GARIN2: variants seen among roughly 807,000 people sequenced by gnomAD.
GARIN2 encodes golgi associated RAB2 interactor family member 2.
the GARIN2 span, among the ~76,000 whole-genome samples, chr14:67,217,203 T>C: frequency 6.6e-6 from 1 of 152,206 alleles, no homozygotes; most frequent in Non-Finnish European, 1.5e-5. Context: ...AATTCTGTTT[T>C]ATCTGATATA....
At chr14:67,195,796 T>A in the GARIN2 span, among the ~76,000 whole-genome samples, 4 of 149,784 alleles carry the variant, frequency 2.7e-5, no homozygotes, top group Non-Finnish European at 5.9e-5. Context: ...CAGGCTGGAG[T>A]GCAGTGGCAC....
At chr14:67,212,598 A>AT in the GARIN2 span, among the ~76,000 whole-genome samples, 407 of 135,706 alleles carry the variant, frequency 3.0e-3, no homozygotes, top group African/African-American at 0.01. Context: ...TGAAAAAAAA[A>AT]ATATATATAT....
At chr14:67,190,231 T>TC in the GARIN2 span, among the ~76,000 whole-genome samples, 8 of 148,740 alleles carry the variant, frequency 5.4e-5, no homozygotes, top group African/African-American at 2.0e-4. Flanking sequence ...TCTTTTCTTT[T>TC]TTTTTTTTTT....
the GARIN2 span, among the ~76,000 whole-genome samples, chr14:67,192,246 T>A: frequency 2.0e-5 from 3 of 152,192 alleles, no homozygotes; most frequent in African/African-American, 4.8e-5. Flanking sequence ...TACACAATCG[T>A]GATAGAATAA....
At chr14:67,199,510 T>A in the GARIN2 span, 1 of 1,612,978 alleles carries the variant, frequency 6.2e-7, no homozygotes, top group Non-Finnish European at 8.5e-7. Flanking sequence ...TTAATTTTGC[T>A]TCATTTGATG....
the GARIN2 span, among the ~76,000 whole-genome samples, chr14:67,208,677 G>A: frequency 1.3e-5 from 2 of 152,034 alleles, no homozygotes; most frequent in Non-Finnish European, 1.5e-5. Flanking sequence ...GGCATTCTGG[G>A]CTGTCTACCT....
the GARIN2 span, chr14:67,224,935 T>C: frequency 1.9e-6 from 1 of 514,364 alleles, no homozygotes; most frequent in East Asian, 3.7e-5. Context: ...ATAAGCTCCA[T>C]TGCAAAGAAT....
the GARIN2 span, among the ~76,000 whole-genome samples, chr14:67,226,110 C>T: frequency 4.6e-5 from 7 of 152,232 alleles, no homozygotes; most frequent in African/African-American, 1.7e-4. Flanking sequence ...AAGGTGCTCA[C>T]TCTTCTGTCC....
At chr14:67,225,084 T>A in the GARIN2 span, 1 of 1,533,368 alleles carries the variant, frequency 6.5e-7, no homozygotes. Flanking sequence ...ATCTCTCCTT[T>A]ACTTTCCTTA....
At chr14:67,226,419 G>A in the GARIN2 span, among the ~76,000 whole-genome samples, 2 of 152,154 alleles carry the variant, frequency 1.3e-5, no homozygotes, top group African/African-American at 2.4e-5. Context: ...GGAGTGCAGT[G>A]GCACAATCTT....
chr14:67,198,342 AG>A, the GARIN2 span: 1 of 1,595,986 alleles, frequency 6.3e-7, no homozygotes, highest in African/African-American at 1.3e-5. Flanking sequence ...TCAAGGCCTG[AG>A]TTAAGTTCCA....
chr14:67,202,057 G>A, the GARIN2 span, among the ~76,000 whole-genome samples: 1,613 of 152,292 alleles, frequency 0.011, 28 homozygotes, highest in African/African-American at 0.036. Flanking sequence ...AGACTTCCAT[G>A]AGTCCATATC....
At chr14:67,209,229 T>G in the GARIN2 span, among the ~76,000 whole-genome samples, 1 of 152,204 alleles carries the variant, frequency 6.6e-6, no homozygotes, top group Admixed American at 6.5e-5. Context: ...ATGGAGTGTT[T>G]TATTCTAGTG....
At chr14:67,221,883 A>C in the GARIN2 span, 7 of 1,567,702 alleles carry the variant, frequency 4.5e-6, 1 homozygote, top group South Asian at 8.2e-5. Flanking sequence ...CTAGAAGAGT[A>C]GTGTGGCTAA....
the GARIN2 span, among the ~76,000 whole-genome samples, chr14:67,225,609 A>C: frequency 2.6e-5 from 4 of 151,944 alleles, no homozygotes; most frequent in Admixed American, 2.0e-4. Flanking sequence ...AATACAATCA[A>C]GACCTCTTTT....
chr14:67,218,203 G>A, the GARIN2 span, among the ~76,000 whole-genome samples: 10 of 152,150 alleles, frequency 6.6e-5, no homozygotes, highest in Non-Finnish European at 1.5e-4. Context: ...TGGGTTTGGG[G>A]CCATGGGGCT....
the GARIN2 span, among the ~76,000 whole-genome samples, chr14:67,203,835 C>T: frequency 3.9e-5 from 6 of 152,168 alleles, no homozygotes; most frequent in Non-Finnish European, 8.8e-5. Flanking sequence ...TCTCAGCCTC[C>T]CGAGTATCTG....
At chr14:67,200,482 TA>T in the GARIN2 span, 1 of 382,596 alleles carries the variant, frequency 2.6e-6, no homozygotes, top group East Asian at 5.2e-5. Flanking sequence ...CCACAGGAGG[TA>T]TTTCTTTTTT....
the GARIN2 span, among the ~76,000 whole-genome samples, chr14:67,217,204 A>G: frequency 6.6e-6 from 1 of 151,596 alleles, no homozygotes; most frequent in Admixed American, 6.6e-5. Context: ...ATTCTGTTTT[A>G]TCTGATATAA....
Sources: allele counts gnomAD v4.1 joint callset (sites outside exome capture counted in the v4.1 genomes callset), GRCh38; gene constraint gnomAD v4.1.1; transcripts MANE v1.5; gene names NCBI Gene and HGNC (gene_info 2026-07-23, HGNC 2026-07-21).